Variants in FARP1 observed in about 807,000 individuals in gnomAD.
FARP1 encodes FERM, ARH/RhoGEF and pleckstrin domain protein 1.
FARP1 carries 52 observed loss-of-function variants against 128.8 expected under a neutral mutation model. The observed-to-expected ratio is 0.40, with a 90% CI of 0.32 to 0.51. FARP1 has a LOEUF of 0.51. FARP1 is among the 20% of genes least tolerant of loss of function. FARP1 has a pLI of 0.45. For missense variants in FARP1, 1,333 were observed against 1,367.9 expected (o/e 0.97, Z 0.40); for synonymous variants, 580 against 551.8 (o/e 1.05, Z -0.72).
At chr13:98,306,542 TCTCA>T (rs1886168942) in intron 2 of FARP1, among the ~76,000 whole-genome samples, 1 of 151,930 alleles carries the variant, frequency 6.6e-6, no homozygotes, top group African/African-American at 2.4e-5. Context: ...TGAGAAAGGA[TCTCA>T]CTCTGTTGCC....
intron 2 of FARP1, among the ~76,000 whole-genome samples, chr13:98,326,186 CTT>C (rs1336199992): frequency 6.6e-6 from 1 of 152,182 alleles, no homozygotes; most frequent in Non-Finnish European, 1.5e-5. Context: ...TTTGTTTCTG[CTT>C]TTGTGTTTGT....
chr13:98,393,800 C>T (rs1890404843), intron 12 of FARP1, 82 bp downstream of exon 12: 2 of 1,030,200 alleles, frequency 1.9e-6, no homozygotes, highest in African/African-American at 1.6e-5. Context: ...AGCGGGCTTT[C>T]TTGTTCTCTG....
intron 5 of FARP1, among the ~76,000 whole-genome samples, chr13:98,372,368 A>T (rs1299671788): frequency 6.6e-6 from 1 of 152,064 alleles, no homozygotes; most frequent in Non-Finnish European, 1.5e-5. Flanking sequence ...TACAGGCCTG[A>T]GTCGCTGCAC....
Position 98,256,620 on chromosome 13 carries a change from C to T in FARP1, c.171+43207C>T, listed in dbSNP as rs145214220. Among the ~76,000 whole-genome samples, 573 of 150,410 alleles carry T rather than the reference C, an allele frequency of 3.8e-3. 9 individuals carry two copies. The highest frequency in any genetic ancestry group is 6.8e-3 in the Non-Finnish European group (459 of 67,730). On this transcript the variant is annotated intron_variant, in intron 2 of 26. Coordinates refer to ENST00000319562, the MANE Select transcript of FARP1 (RefSeq NM_005766.4). ...TGTCACCCAGGCTGGAGTGCAGTGG[C>T]GTGATCTCAGTTCACTGCAACCTCC...
intron 1 of FARP1, among the ~76,000 whole-genome samples, chr13:98,207,911 CACA>C (rs1880380721): frequency 1.5e-5 from 1 of 65,760 alleles, no homozygotes; most frequent in Non-Finnish European, 3.7e-5. Flanking sequence ...ACCACCTCCA[CACA>C]CACACACACA....
rs1890181121 is a variant in FARP1, at chr13:98,388,432, G to A, written c.809G>A (p.Ser270Asn). ...AFNWAKVRKL[S>N]FKRKRFLIKL... ...AACTGGGCCAAGGTGCGGAAGCTGA[G>A]CTTCAAGAGGAAGCGCTTTCTCATC... The change falls in exon 9 of 27, where the codon AGC (serine) becomes AAC (asparagine). Residue 270 changes from serine to asparagine, a missense_variant. Ser to Asn is a conservative substitution (Grantham distance 46, BLOSUM62 1). Coordinates refer to ENST00000319562, the MANE Select transcript of FARP1 (RefSeq NM_005766.4). The A allele has an allele frequency of 1.2e-6, 2 of 1,614,004 alleles. No homozygotes were observed. Among genetic ancestry groups the A allele is most frequent in the African/African-American group, 1.3e-5 (1 of 74,922 alleles).
chr13:98,417,329 A>T (rs1318299224), intron 16 of FARP1, among the ~76,000 whole-genome samples: 1 of 152,102 alleles, frequency 6.6e-6, no homozygotes, highest in Non-Finnish European at 1.5e-5. Flanking sequence ...GGAAGAGAAC[A>T]TTAAGAGGAA....
chr13:98,231,966 T>C (rs1308970693), intron 2 of FARP1, among the ~76,000 whole-genome samples: 1 of 152,034 alleles, frequency 6.6e-6, no homozygotes, highest in Admixed American at 6.6e-5. Context: ...TAGCTGGGAT[T>C]ACAGGTACTC....
chr13:98,143,325 C>G lies in FARP1; in HGVS notation c.-191C>G, dbSNP rs908970357. 2.7e-5 allele frequency: 4 copies of G among 149,226 alleles called. No homozygotes were observed. Among genetic ancestry groups the G allele is most frequent in the Admixed American group, 2.0e-4 (3 of 15,040 alleles). The allele number at this position is 149,226 out of a possible 1,614,324, so 9.2% of individuals were successfully genotyped here. Reference sequence around the variant, plus strand: ...CCGCCCCGCGCCACCTTTGATGGCTCGGACCTCAGCCGGCCACCGCCAGCC... The same window carrying G: ...CCGCCCCGCGCCACCTTTGATGGCTGGGACCTCAGCCGGCCACCGCCAGCC... On this transcript the variant is annotated 5_prime_UTR_variant, in exon 1 of 27. Transcript: ENST00000319562.
At chr13:98,308,598 T>C (rs1484455392) in intron 2 of FARP1, among the ~76,000 whole-genome samples, 1 of 152,176 alleles carries the variant, frequency 6.6e-6, no homozygotes, top group Non-Finnish European at 1.5e-5. Context: ...TTTCAAAGAC[T>C]TAACAACAAC....
intron 2 of FARP1, among the ~76,000 whole-genome samples, chr13:98,327,844 C>A (rs952869125): frequency 2.6e-5 from 4 of 152,154 alleles, no homozygotes; most frequent in African/African-American, 9.7e-5. Context: ...AGCATAGCTT[C>A]TGGTCAGAAG....
At chr13:98,283,586 A>T (rs759824371) in intron 2 of FARP1, among the ~76,000 whole-genome samples, 6 of 152,172 alleles carry the variant, frequency 3.9e-5, no homozygotes, top group Non-Finnish European at 7.3e-5. Flanking sequence ...TCTTTGGATA[A>T]TAAACCTTCC....
At chr13:98,281,744 T>C (rs59812868) in intron 2 of FARP1, among the ~76,000 whole-genome samples, 4,780 of 152,266 alleles carry the variant, frequency 0.031, 233 homozygotes, top group African/African-American at 0.11. Context: ...TCCTCAGCTG[T>C]TATGAACTGC....
At chr13:98,416,921 A>T (rs1891395999) in intron 16 of FARP1, among the ~76,000 whole-genome samples, 1 of 152,216 alleles carries the variant, frequency 6.6e-6, no homozygotes, top group Admixed American at 6.5e-5. Context: ...GTTTTCATGG[A>T]GGATCAGCTG....
chr13:98,280,348 G>A (rs1884872561), intron 2 of FARP1, among the ~76,000 whole-genome samples: 1 of 152,186 alleles, frequency 6.6e-6, no homozygotes, highest in Non-Finnish European at 1.5e-5. Flanking sequence ...AGCTGGTGCA[G>A]CCTCAGCTTT....
intron 2 of FARP1, among the ~76,000 whole-genome samples, chr13:98,333,436 TACACACACACACACAC>T (rs60264788): frequency 1.0e-4 from 14 of 139,750 alleles, no homozygotes; most frequent in South Asian, 2.5e-4. Context: ...CCCCCACATG[TACACACACACACACAC>T]ACACACACAC....
chr13:98,444,593 C>T (rs1159930754), intron 24 of FARP1, among the ~76,000 whole-genome samples: 5 of 152,100 alleles, frequency 3.3e-5, no homozygotes, highest in South Asian at 2.1e-4. Context: ...CACAGGGGAG[C>T]GGGAGGCTCG....
intron 1 of FARP1, among the ~76,000 whole-genome samples, chr13:98,174,440 C>T (rs779759415): frequency 1.3e-5 from 2 of 152,142 alleles, no homozygotes; most frequent in African/African-American, 2.4e-5. Flanking sequence ...GTTTCTGCTT[C>T]GGAGTGCCTG....
chr13:98,430,905 A>G (rs1891984389), intron 17 of FARP1, 138 bp from the exon 18 acceptor site: 1 of 650,782 alleles, frequency 1.5e-6, no homozygotes. Flanking sequence ...AACTATGAAC[A>G]ATGTGAAATT....
Sources: allele counts gnomAD v4.1 joint callset (sites outside exome capture counted in the v4.1 genomes callset), GRCh38; gene constraint gnomAD v4.1.1; transcripts MANE v1.5; gene names NCBI Gene and HGNC (gene_info 2026-07-23, HGNC 2026-07-21).